FAM227A: variants seen among roughly 807,000 people sequenced by gnomAD.
The protein encoded by FAM227A is protein FAM227A.
A neutral mutation model predicts 74.7 loss-of-function variants in FAM227A; 80 were observed. The observed-to-expected ratio is 1.07, with a 90% CI of 0.89 to 1.29. The LOEUF (loss-of-function observed/expected upper bound fraction) is 1.29, where lower values mean the gene tolerates loss of function less well. Ranked by LOEUF, FAM227A falls within the 50% of genes most tolerant of loss-of-function variation. FAM227A has a pLI of 0.00. For missense variants in FAM227A, 654 were observed against 683.4 expected (o/e 0.96, Z 0.48); for synonymous variants, 237 against 241.8 (o/e 0.98, Z 0.19).
intron 3 of FAM227A, among the ~76,000 whole-genome samples, chr22:38,643,913 T>C (rs949017273): frequency 3.8e-4 from 57 of 152,000 alleles, no homozygotes; most frequent in African/African-American, 1.3e-3. Context: ...TTTCGGAGGC[T>C]GAGGCGGGCG....
intron 3 of FAM227A, among the ~76,000 whole-genome samples, chr22:38,644,000 A>G (rs1263435406): frequency 1.3e-5 from 2 of 151,872 alleles, no homozygotes; most frequent in African/African-American, 4.8e-5. Context: ...ACAAAAAATT[A>G]GCCTGGCGTG....
intron 3 of FAM227A, among the ~76,000 whole-genome samples, chr22:38,643,332 T>C (rs2413542): frequency 1.4e-5 from 1 of 73,202 alleles, no homozygotes; most frequent in Non-Finnish European, 3.0e-5. Flanking sequence ...AAAAAAATAG[T>C]GGGTGGGGGT....
intron 16 of FAM227A, among the ~76,000 whole-genome samples, chr22:38,590,571 T>C (rs2090910569): frequency 6.6e-6 from 1 of 152,178 alleles, no homozygotes; most frequent in South Asian, 2.1e-4. Flanking sequence ...TATCATGACC[T>C]TCCCAGTTAT....
At chr22:38,631,573 G>A (rs2091915936) in intron 6 of FAM227A, among the ~76,000 whole-genome samples, 1 of 152,066 alleles carries the variant, frequency 6.6e-6, no homozygotes, top group South Asian at 2.1e-4. Context: ...CATGATGAAG[G>A]GAGAGCTGAG....
At chr22:38,613,086 A>ATATATATTATATATAAT (rs1602945000) in intron 11 of FAM227A, among the ~76,000 whole-genome samples, 3 of 94,960 alleles carry the variant, frequency 3.2e-5, no homozygotes, top group African/African-American at 1.3e-4. Flanking sequence ...ATATAATTAT[A>ATATATATTATATATAAT]TATATATATT....
intron 13 of FAM227A, among the ~76,000 whole-genome samples, chr22:38,604,370 A>C (rs537250591): frequency 6.6e-6 from 1 of 152,302 alleles, no homozygotes; most frequent in East Asian, 1.9e-4. Context: ...TCCTTGTGGT[A>C]CTTGGCCCAA....
intron 1 of FAM227A, among the ~76,000 whole-genome samples, chr22:38,654,388 C>T (rs1344909264): frequency 6.6e-6 from 1 of 151,304 alleles, no homozygotes; most frequent in Non-Finnish European, 1.5e-5. Context: ...AATATGCCAT[C>T]CAAAATGTAC....
Position 38,591,551 on chromosome 22 carries a change from A to G in FAM227A, c.1533-11T>C. ...ATATTCTTCATTTCCCTGGGAGGAA[A>G]ACACAGAGACATATGGAAAAAGGCT... is the stretch of plus-strand genomic sequence containing the variant. On this transcript the variant is annotated splice_polypyrimidine_tract_variant and intron_variant, in intron 15 of 16. Coordinates refer to ENST00000535113, the MANE Select transcript of FAM227A (RefSeq NM_001013647.2). 2.0e-6 allele frequency: 3 copies of G among 1,532,390 alleles called. No individual in the cohort carries two copies. Among genetic ancestry groups the G allele is most frequent in the Non-Finnish European group, 2.6e-6 (3 of 1,136,994 alleles). 94.9% of individuals were successfully genotyped at this position (1,532,390 alleles called of 1,614,324 possible).
intron 13 of FAM227A, among the ~76,000 whole-genome samples, chr22:38,601,438 A>C: frequency 6.6e-6 from 1 of 150,716 alleles, no homozygotes. Flanking sequence ...GAGGTGGCTC[A>C]CAGGGGTGGG....
chr22:38,617,385 T>A lies in FAM227A; in HGVS notation c.1038+2827A>T, dbSNP rs980752730. 2.8e-5 allele frequency among the ~76,000 whole-genome samples: 4 copies of A among 143,012 alleles called. No homozygotes were observed. The East Asian group carries it at 8.8e-4, about 32-fold the overall frequency. The allele number at this position is 143,012 out of a possible 152,430, so 93.8% of individuals were successfully genotyped here. A position where few individuals can be genotyped will look rare whatever the true frequency, so the allele number is the denominator to read the frequency against. ...ATCTCAGCTCACAGCAACCTCCGCC[T>A]CCCGGGTTAAAGCAAATCTCTTGCC... On this transcript the variant is annotated intron_variant, in intron 11 of 16. Transcript: ENST00000535113.
intron 10 of FAM227A, among the ~76,000 whole-genome samples, chr22:38,622,747 G>A (rs1214010988): frequency 1.3e-5 from 2 of 151,758 alleles, no homozygotes; most frequent in African/African-American, 4.8e-5. Context: ...GTGGTGGTGG[G>A]TGCCTGGGAT....
At chr22:38,640,352 G>A (rs2092089347) in intron 3 of FAM227A, among the ~76,000 whole-genome samples, 1 of 151,936 alleles carries the variant, frequency 6.6e-6, no homozygotes, top group Non-Finnish European at 1.5e-5. Flanking sequence ...GTTCTTATAA[G>A]GGTCAAAAAT....
intron 11 of FAM227A, among the ~76,000 whole-genome samples, chr22:38,612,023 C>G (rs1047806812): frequency 6.6e-6 from 1 of 152,090 alleles, no homozygotes; most frequent in African/African-American, 2.4e-5. Flanking sequence ...TTCTCCTCCC[C>G]ACTCCCAAAG....
chr22:38,628,416 A>G (rs1342553535), intron 7 of FAM227A, 74 bp from the exon 8 acceptor site: 1 of 893,280 alleles, frequency 1.1e-6, no homozygotes, highest in Non-Finnish European at 1.8e-6. Context: ...GGATTTTTAA[A>G]TCAGTATTGT....
At chr22:38,640,255 G>A (rs1173854183) in intron 3 of FAM227A, among the ~76,000 whole-genome samples, 1 of 152,084 alleles carries the variant, frequency 6.6e-6, no homozygotes, top group East Asian at 1.9e-4. Context: ...GGATGGTCTT[G>A]ATCTCCTGAC....
chr22:38,614,451 G>C (rs1368694701), intron 11 of FAM227A, among the ~76,000 whole-genome samples: 1 of 152,178 alleles, frequency 6.6e-6, no homozygotes, highest in African/African-American at 2.4e-5. Context: ...ACTTAAACAA[G>C]AGAAGGGCAG....
intron 6 of FAM227A, among the ~76,000 whole-genome samples, chr22:38,634,964 G>A (rs1358791564): frequency 6.6e-6 from 1 of 152,058 alleles, no homozygotes; most frequent in Non-Finnish European, 1.5e-5. Context: ...AGAGAGGAGG[G>A]GGTCGGGCGC....
chr22:38,592,074 G>C (rs979059999), intron 15 of FAM227A, among the ~76,000 whole-genome samples: 1 of 151,442 alleles, frequency 6.6e-6, no homozygotes, highest in Admixed American at 6.6e-5. Context: ...TCAGCCTCCC[G>C]AGTAGCTGGG....
At chr22:38,606,044 T>C (rs550194928) in intron 12 of FAM227A, among the ~76,000 whole-genome samples, 2 of 152,330 alleles carry the variant, frequency 1.3e-5, no homozygotes, top group African/African-American at 4.8e-5. Context: ...ATTGCTAACA[T>C]ACCTCTCCTA....
Sources: gnomAD v4.1 joint callset for allele counts (sites outside exome capture counted in the v4.1 genomes callset) on GRCh38, gnomAD v4.1.1 for gene constraint, MANE v1.5 for transcripts, NCBI Gene and HGNC (gene_info 2026-07-23, HGNC 2026-07-21) for gene names.